Variants in CCDC137 observed in about 807,000 individuals in gnomAD.
The protein encoded by CCDC137 is coiled-coil domain-containing protein 137.
In CCDC137, 24 loss-of-function variants were observed where a neutral mutation model predicts 30.4. The ratio of observed to expected loss-of-function variants is 0.79; its 90% CI spans 0.57 to 1.11. The LOEUF (loss-of-function observed/expected upper bound fraction) is 1.11. Ranked by LOEUF, CCDC137 falls within the 50% of genes least tolerant of loss-of-function variation. The probability of loss-of-function intolerance (pLI) is 0.00; values close to 1 mark genes in which losing one functional copy is unlikely to be tolerated. For synonymous variants in CCDC137, 182 were observed against 155.7 expected, an observed-to-expected ratio of 1.17 and a Z score of -1.26; for missense variants, 417 against 380.4, an observed-to-expected ratio of 1.10 and a Z score of -0.80.
rs1376175960 is a variant in CCDC137 at position 81,672,881 on chromosome 17, AG to A, written c.*180del. The A allele has an allele frequency of 9.5e-6, 6 of 633,802 alleles. No individual in the cohort carries two copies. Among genetic ancestry groups the A allele is most frequent in the Non-Finnish European group, 1.6e-5 (6 of 371,564 alleles). The allele number at this position is 633,802 out of a possible 1,614,324, so 39.3% of individuals were successfully genotyped here. A position where few individuals can be genotyped will look rare whatever the true frequency, so the allele number is the denominator to read the frequency against. ...GCAGGGGGTGAGTGCCCGATGGACT[AG>A]GGCCAAGGCCTGGTTGACAGACGGC... On this transcript the variant is annotated 3_prime_UTR_variant, in exon 6 of 6. Transcript: ENST00000329214.
chr17:81,670,916 C>T lies in CCDC137; in HGVS notation c.497+463C>T, dbSNP rs566908408. Among the ~76,000 whole-genome samples the T allele has an allele frequency of 6.6e-5, 10 of 152,038 alleles. No homozygotes were observed. The East Asian group carries it at 1.5e-3, about 24-fold the overall frequency. ...GGCTGAGGCAGGTGGATCACGAGGT[C>T]AGGAGATCGAGACCATCCTAGCCAA... On this transcript the variant is annotated intron_variant, in intron 3 of 5. Coordinates refer to ENST00000329214, the MANE Select transcript of CCDC137 (RefSeq NM_199287.3).
chr17:81,671,223 A>G (rs2036716368), intron 3 of CCDC137, among the ~76,000 whole-genome samples: 1 of 152,164 alleles, frequency 6.6e-6, no homozygotes, highest in Non-Finnish European at 1.5e-5. Flanking sequence ...TATTACTTAT[A>G]GTTACCTTAG....
At chr17:81,671,547 C>T (rs972165064) in intron 3 of CCDC137, 197 bp from the exon 4 acceptor site, 2 of 579,888 alleles carry the variant, frequency 3.4e-6, no homozygotes, top group Admixed American at 5.9e-5. Flanking sequence ...TGTGAGGGGC[C>T]TGTTGGGGTC....
intron 5 of CCDC137, among the ~76,000 whole-genome samples, 155 bp from the exon 6 acceptor site, chr17:81,672,340 G>GAA (rs35384619): frequency 2.0e-5 from 3 of 147,318 alleles, no homozygotes; most frequent in African/African-American, 2.5e-5. Flanking sequence ...CCTGTGTCAA[G>GAA]AAAAAAAAAA....
At chr17:81,668,119 G>A (rs1258850096) in intron 2 of CCDC137, among the ~76,000 whole-genome samples, 1 of 151,976 alleles carries the variant, frequency 6.6e-6, no homozygotes, top group African/African-American at 2.4e-5. Context: ...AAGGAGCGGC[G>A]TTTTTTTCTC....
intron 5 of CCDC137, 113 bp from the exon 6 acceptor site, chr17:81,672,382 G>A (rs2036729483): frequency 3.7e-6 from 4 of 1,071,734 alleles, no homozygotes; most frequent in Non-Finnish European, 5.3e-6. Context: ...TGTCTGGTGT[G>A]TGGCCTGAGA....
chr17:81,670,052 G>A (rs1219805856), intron 2 of CCDC137, 173 bp from the exon 3 acceptor site: 22 of 604,908 alleles, frequency 3.6e-5, no homozygotes, highest in Admixed American at 6.0e-5. Context: ...GGGGGGTCAC[G>A]TCCCCGGGGA....
intron 2 of CCDC137, among the ~76,000 whole-genome samples, chr17:81,668,784 T>C (rs2036683410): frequency 6.6e-6 from 1 of 152,118 alleles, no homozygotes; most frequent in South Asian, 2.1e-4. Context: ...CACTGCAACC[T>C]CCACCTCCTG....
At chr17:81,669,786 C>T (rs1226070675) in intron 2 of CCDC137, among the ~76,000 whole-genome samples, 1 of 151,788 alleles carries the variant, frequency 6.6e-6, no homozygotes, top group Non-Finnish European at 1.5e-5. Flanking sequence ...TGGTCTGAAT[C>T]TCCTGACCTT....
chr17:81,666,839 G>A lies in CCDC137; in HGVS notation c.73G>A (p.Gly25Arg), dbSNP rs775416849. ...AGPGSPRRAR[G>R]RQQVQPLGKQ... ...TCCTGGGAGTCCCCGGCGAGCGCGG[G>A]GGCGGCAGCAAGTGCAGCCGCTGGG... The change falls in exon 1 of 6, where the codon GGG (glycine) becomes AGG (arginine). Residue 25 changes from glycine (G) to arginine (R), a missense_variant. Physicochemically the swap from Gly to Arg is moderately radical, Grantham distance 125. Coordinates refer to ENST00000329214, the MANE Select transcript of CCDC137 (RefSeq NM_199287.3). 7.4e-7 allele frequency: 1 copy of A among 1,344,108 alleles called. No individual in the cohort carries two copies. The highest frequency in any genetic ancestry group is 3.0e-5 in the East Asian group (1 of 33,740). The allele number at this position is 1,344,108 out of a possible 1,614,324, so 83.3% of individuals were successfully genotyped here. A position where few individuals can be genotyped will look rare whatever the true frequency, so the allele number is the denominator to read the frequency against.
chr17:81,667,850 A>T lies in CCDC137; in HGVS notation c.256A>T (p.Arg86Trp), dbSNP rs1290178955. Residue 86 changes from arginine (R) to tryptophan (W), a missense_variant, in exon 2 of 6, where the codon AGG becomes TGG. Arg to Trp is a moderately radical substitution (Grantham distance 101). Coordinates refer to ENST00000329214, the MANE Select transcript of CCDC137 (RefSeq NM_199287.3). ...EMKNPISNKK[R>W]KKAAQVTFRK... ...GAAAAACCCGATCAGTAACAAGAAG[A>T]GGAAGAAAGCAGGTGTGTGCAGGCC... 1.9e-6 allele frequency: 3 copies of T among 1,611,686 alleles called. No individual in the cohort carries two copies. Among genetic ancestry groups the T allele is most frequent in the Non-Finnish European group, 2.5e-6 (3 of 1,179,950 alleles).
rs2036752218 is a variant in CCDC137 at position 81,673,822 on chromosome 17, G to A, written c.*1118G>A. The A allele has an allele frequency of 6.6e-6, 1 of 152,266 alleles. No individual in the cohort carries two copies. Among genetic ancestry groups the A allele is most frequent in the Admixed American group, 6.5e-5 (1 of 15,286 alleles). The allele number at this position is 152,266 out of a possible 1,614,324, so 9.4% of individuals were successfully genotyped here. On this transcript the variant is annotated 3_prime_UTR_variant, in exon 6 of 6. Transcript: ENST00000329214. ...CGCTGTGCAACCTTCCAAGTGTGAA[G>A]TGACAGCCTTGTGTGTGATGTTTTC...
chr17:81,672,260 A>G, intron 5 of CCDC137, 105 bp downstream of exon 5: 1 of 1,206,854 alleles, frequency 8.3e-7, no homozygotes, highest in Non-Finnish European at 1.2e-6. Context: ...ATCCCAGCAC[A>G]TTGGGAGGCC....
In CCDC137 at chr17:81,670,319, T is replaced by C. The variant is rs10438817; in HGVS notation, c.363T>C (p.Ser121=). The C allele has an allele frequency of 0.97, 1,561,229 of 1,613,972 alleles. 755,280 individuals are homozygous for C. The highest frequency in any genetic ancestry group is 1 in the East Asian group (44,883 of 44,888). The change falls in exon 3 of 6, where the codon TCT becomes TCC. Residue 121 remains serine, a synonymous_variant. Transcript: ENST00000329214. Reference sequence around the variant, plus strand: ...AGTTCAAACAGAGGAAGGGGGAGTCTGACGGGGCCTATATCCACCGCATGC... The same window carrying C: ...AGTTCAAACAGAGGAAGGGGGAGTCCGACGGGGCCTATATCCACCGCATGC... The part of the protein sequence containing the change: ...VPKFKQRKGE[S]DGAYIHRMQQ...
rs765226374 is a variant in CCDC137, at chr17:81,671,816, G to A, written c.570G>A (p.Glu190=). ...EEKAADRLEQ[E]LLRDTVKFGE... is the part of the protein sequence containing the mutation. ...AGGCGGCAGACAGGCTGGAGCAGGA[G>A]TTGCTCCGAGGTAGCTCTTCCCAAA... The change falls in exon 4 of 6, where the codon GAG becomes GAA. Residue 190 remains glutamate, a synonymous_variant. Transcript: ENST00000329214. The A allele has an allele frequency of 2.5e-6, 4 of 1,613,452 alleles. No homozygotes were observed. Among genetic ancestry groups the A allele is most frequent in the Admixed American group, 1.7e-5 (1 of 59,918 alleles).
Position 81,671,971 on chromosome 17 carries a change from G to C in CCDC137, c.581-105G>C. The C allele has an allele frequency of 2.0e-6, 3 of 1,475,672 alleles. No individual in the cohort carries two copies. The Admixed American group carries it at 5.2e-5, about 26-fold the overall frequency. 91.4% of individuals were successfully genotyped at this position (1,475,672 alleles called of 1,614,324 possible). On this transcript the variant is annotated intron_variant, in intron 4 of 5. Transcript: ENST00000329214. ...CCATTAGACCACTGGATGAGTTGGT[G>C]TTCTGTCCCAGCCCTATGGGAGGGA...
chr17:81,667,025 C>T, intron 1 of CCDC137, 125 bp downstream of exon 1: 1 of 1,021,682 alleles, frequency 9.8e-7, no homozygotes, highest in East Asian at 3.3e-5. Context: ...TCAGTGCCCT[C>T]CTCTGTCTGT....
At chr17:81,671,686 T>A (rs781485590) in intron 3 of CCDC137, 58 bp from the exon 4 acceptor site, 14 of 1,581,124 alleles carry the variant, frequency 8.9e-6, no homozygotes, top group Non-Finnish European at 1.1e-5. Flanking sequence ...GGCCTCTGCC[T>A]CCTCCCTGGG....
intron 2 of CCDC137, among the ~76,000 whole-genome samples, chr17:81,668,096 C>T (rs1358151080): frequency 1.3e-5 from 2 of 152,162 alleles, no homozygotes; most frequent in African/African-American, 2.4e-5. Context: ...TATGGGGCCT[C>T]AGGATCCATG....
Sources: gnomAD v4.1 joint callset for allele counts (sites outside exome capture counted in the v4.1 genomes callset) on GRCh38, gnomAD v4.1.1 for gene constraint, MANE v1.5 for transcripts, NCBI Gene and HGNC (gene_info 2026-07-23, HGNC 2026-07-21) for gene names.